The following ROBO2 variants were observed in gnomAD, a reference collection of about 807,000 sequenced individuals.
The protein encoded by ROBO2 is roundabout homolog 2.
ROBO2 carries 53 observed loss-of-function variants against 160.8 expected under a neutral mutation model. The observed-to-expected ratio is 0.33, with a 90% CI of 0.26 to 0.41. ROBO2 has a LOEUF of 0.41. ROBO2 is among the 10% of genes least tolerant of loss of function. The pLI, the probability that ROBO2 is intolerant of heterozygous loss-of-function variation, is 1.00. For synonymous variants in ROBO2, 664 were observed against 611.7 expected, an observed-to-expected ratio of 1.09 and a Z score of -1.26; for missense variants, 1,577 against 1,722.4, an observed-to-expected ratio of 0.92 and a Z score of 1.49.
chr3:77,281,934 C>A (rs1266983827), intron 2 of ROBO2, among the ~76,000 whole-genome samples: 1 of 152,150 alleles, frequency 6.6e-6, no homozygotes, highest in African/African-American at 2.4e-5. Context: ...CGGTAATGCT[C>A]GCTCCCTCCT....
intron 23 of ROBO2, chr3:77,633,742 T>C (rs937985149): frequency 2.6e-5 from 4 of 152,214 alleles, no homozygotes; most frequent in Non-Finnish European, 5.9e-5. Flanking sequence ...ATTTTTCAAA[T>C]AGCATCCAAA....
intron 2 of ROBO2, among the ~76,000 whole-genome samples, chr3:76,037,479 A>G (rs953573755): frequency 9.9e-5 from 15 of 151,320 alleles, no homozygotes; most frequent in Non-Finnish European, 2.1e-4. Flanking sequence ...CTGGTCTCGA[A>G]CTCCTGACCT....
Position 76,562,247 on chromosome 3 carries a change from T to A in ROBO2, c.110-535767T>A, listed in dbSNP as rs1216462146. Among the ~76,000 whole-genome samples the A allele has an allele frequency of 2.0e-5, 3 of 151,904 alleles. No individual in the cohort carries two copies. The East Asian group carries it at 5.8e-4, about 29-fold the overall frequency. ...AAAATGAGCATAATCTAATCATTAT[T>A]GTAGGATTCCCAGAAAAACTAAAAT... On this transcript the variant is annotated intron_variant, in intron 2 of 26. Coordinates refer to the ROBO2 transcript ENST00000487694.
intron 2 of ROBO2, among the ~76,000 whole-genome samples, chr3:76,371,559 T>A (rs1250661409): frequency 1.3e-5 from 2 of 151,938 alleles, no homozygotes; most frequent in Admixed American, 1.3e-4. Context: ...CATTTGCTGA[T>A]GTGAGAAAAA....
intron 2 of ROBO2, among the ~76,000 whole-genome samples, chr3:77,272,255 A>C (rs542853659): frequency 6.6e-6 from 1 of 152,108 alleles, no homozygotes; most frequent in African/African-American, 2.4e-5. Context: ...GAAATACCTG[A>C]GATTGGGTAA....
chr3:76,798,970 T>G (rs2108826987), intron 2 of ROBO2, among the ~76,000 whole-genome samples: 1 of 151,308 alleles, frequency 6.6e-6, no homozygotes, highest in Admixed American at 6.6e-5. Flanking sequence ...CATATACAAC[T>G]TTGGGAGGCC....
intron 2 of ROBO2, among the ~76,000 whole-genome samples, chr3:77,331,690 T>TTAAC (rs2065977634): frequency 9.7e-6 from 1 of 102,578 alleles, no homozygotes; most frequent in South Asian, 3.2e-4. Flanking sequence ...GGCCTATTTA[T>TTAAC]TTACTTATTT....
At chr3:77,109,640 C>T (rs1009950484) in intron 2 of ROBO2, among the ~76,000 whole-genome samples, 1 of 152,188 alleles carries the variant, frequency 6.6e-6, no homozygotes, top group Non-Finnish European at 1.5e-5. Context: ...TTGCTAAGGG[C>T]CAGGCTTATT....
At chr3:77,431,617 C>A (rs2078781779) in intron 2 of ROBO2, among the ~76,000 whole-genome samples, 1 of 152,104 alleles carries the variant, frequency 6.6e-6, no homozygotes, top group Non-Finnish European at 1.5e-5. Context: ...TACTTTCGTC[C>A]TGTGTTCCCA....
At chr3:76,559,288 T>C (rs993771099) in intron 2 of ROBO2, among the ~76,000 whole-genome samples, 1 of 152,138 alleles carries the variant, frequency 6.6e-6, no homozygotes, top group African/African-American at 2.4e-5. Flanking sequence ...TAGGGGAAGA[T>C]AGATTTGGGT....
intron 2 of ROBO2, among the ~76,000 whole-genome samples, chr3:76,112,746 T>G (rs1049208764): frequency 6.6e-6 from 1 of 152,064 alleles, no homozygotes; most frequent in South Asian, 2.1e-4. Flanking sequence ...ATAATAAAAT[T>G]ATGTGATTGA....
chr3:76,242,958 C>T (rs1288793995), intron 2 of ROBO2, among the ~76,000 whole-genome samples: 4 of 152,098 alleles, frequency 2.6e-5, no homozygotes, highest in East Asian at 3.9e-4. Context: ...TGATCTAACA[C>T]GTAACGTATT....
chr3:76,691,071 A>G lies in ROBO2; in HGVS notation c.110-406943A>G, dbSNP rs534761161. 2.0e-5 allele frequency among the ~76,000 whole-genome samples: 3 copies of G among 152,218 alleles called. No homozygotes were observed. In the South Asian group the frequency reaches 6.2e-4, roughly 32 times the overall value. ...GTTCTGTCTAAAAAAAAGAACAATA[A>G]TTAACCAAGAATTTAAAGTGAGACC... On this transcript the variant is annotated intron_variant, in intron 2 of 26. Coordinates refer to the ROBO2 transcript ENST00000487694.
At chr3:77,194,372 A>G (rs2082134939) in intron 2 of ROBO2, among the ~76,000 whole-genome samples, 1 of 152,206 alleles carries the variant, frequency 6.6e-6, no homozygotes, top group South Asian at 2.1e-4. Context: ...CATGGCTATT[A>G]GTTACCTTTG....
chr3:76,165,637 T>TTGCC (rs1487621937), intron 2 of ROBO2, among the ~76,000 whole-genome samples: 1 of 152,214 alleles, frequency 6.6e-6, no homozygotes, highest in Non-Finnish European at 1.5e-5. Flanking sequence ...TGGCTGTTGA[T>TTGCC]TGCCTGCCTT....
In ROBO2 at chr3:76,743,765, A is replaced by G. The variant is rs1000610354; in HGVS notation, c.110-354249A>G. Among the ~76,000 whole-genome samples, 10 of 151,860 alleles carry G rather than the reference A, an allele frequency of 6.6e-5. No homozygotes were observed. In the South Asian group the frequency reaches 8.3e-4, roughly 13 times the overall value. On this transcript the variant is annotated intron_variant, in intron 2 of 26. Transcript: ENST00000487694. ...ATTTAGCACTTATATTGCATGGAAC[A>G]TAACAGAAGCTCAATAAATTATAAA...
intron 2 of ROBO2, among the ~76,000 whole-genome samples, chr3:75,954,061 C>T (rs1316659253): frequency 6.6e-6 from 1 of 151,726 alleles, no homozygotes; most frequent in Non-Finnish European, 1.5e-5. Flanking sequence ...ACAATTATCT[C>T]CCATGTGTAC....
chr3:76,325,731 C>T (rs2072961868), intron 2 of ROBO2, among the ~76,000 whole-genome samples: 1 of 149,798 alleles, frequency 6.7e-6, no homozygotes, highest in African/African-American at 2.5e-5. Flanking sequence ...AAAAAAACAA[C>T]AACCCTGTTT....
intron 2 of ROBO2, among the ~76,000 whole-genome samples, chr3:76,274,400 A>G (rs545517939): frequency 3.2e-4 from 48 of 152,222 alleles, no homozygotes; most frequent in African/African-American, 1.1e-3. Flanking sequence ...GAATTATTTT[A>G]GTGTTTGTTT....
Sources: gnomAD v4.1 joint callset for allele counts (sites outside exome capture counted in the v4.1 genomes callset) on GRCh38, gnomAD v4.1.1 for gene constraint, MANE v1.5 for transcripts, NCBI Gene and HGNC (gene_info 2026-07-23, HGNC 2026-07-21) for gene names.